ERMARD: variants seen among roughly 807,000 people sequenced by gnomAD.
ERMARD encodes the protein endoplasmic reticulum membrane-associated RNA degradation protein.
Under a neutral mutation model 83.9 loss-of-function variants are expected in ERMARD, and 71 were observed. The ratio of observed to expected loss-of-function variants is 0.85; its 90% CI spans 0.70 to 1.03. The LOEUF is 1.03. ERMARD is among the 50% of genes least tolerant of loss of function. ERMARD has a pLI of 0.00. For missense variants in ERMARD, 838 were observed against 810.9 expected (o/e 1.03, Z -0.41); for synonymous variants, 284 against 298.6 (o/e 0.95, Z 0.50).
At chr6:169,778,640 C>T (rs1028546903) in intron 16 of ERMARD, among the ~76,000 whole-genome samples, 2 of 152,230 alleles carry the variant, frequency 1.3e-5, no homozygotes, top group African/African-American at 4.8e-5. Context: ...TACACTCTTA[C>T]CAGCAGTTTA....
intron 16 of ERMARD, among the ~76,000 whole-genome samples, chr6:169,778,184 G>GC (rs1793813043): frequency 6.6e-6 from 1 of 152,222 alleles, no homozygotes; most frequent in Non-Finnish European, 1.5e-5. Context: ...ACGGGCAGTG[G>GC]CCCTCCTGGG....
intron 11 of ERMARD, 48 bp downstream of exon 11, chr6:169,768,219 T>C: frequency 2.0e-6 from 3 of 1,497,680 alleles, no homozygotes; most frequent in Non-Finnish European, 2.8e-6. Flanking sequence ...TTTATGGATG[T>C]CGTCAGCACT....
Position 169,755,017 on chromosome 6 carries a change from G to C in ERMARD, c.176-266G>C, listed in dbSNP as rs149682794. On this transcript the variant is annotated intron_variant, in intron 2 of 17. Coordinates refer to ENST00000366773, the MANE Select transcript of ERMARD (RefSeq NM_018341.3). ...TTCTGTATTCTTATGTACAGGTAAA[G>C]ACATTGACAAAATAGTTTTCTCTTG... Among the ~76,000 whole-genome samples, 495 of 152,130 alleles carry C rather than the reference G, an allele frequency of 3.3e-3. 10 individuals are homozygous for C. Among genetic ancestry groups the C allele is most frequent in the African/African-American group, 0.012 (483 of 41,504 alleles).
chr6:169,774,018 G>A (rs1459531496), intron 13 of ERMARD, among the ~76,000 whole-genome samples: 1 of 152,204 alleles, frequency 6.6e-6, no homozygotes, highest in Non-Finnish European at 1.5e-5. Flanking sequence ...GGTCAGGAGA[G>A]ATTTGCAAAG....
chr6:169,776,522 C>G lies in ERMARD; in HGVS notation c.1588C>G (p.Leu530Val). Residue 530 changes from leucine to valine, a missense_variant, in exon 16 of 18, where the codon CTG becomes GTG. Physicochemically the swap from Leu to Val is conservative, Grantham distance 32. Coordinates refer to ENST00000366773, the MANE Select transcript of ERMARD (RefSeq NM_018341.3). ...VPTLFCPRIV[L>V]EVLVVLRSIS... Reference sequence around the variant, plus strand: ...CACCCTGTTCTGCCCCAGGATTGTGCTGGAAGTGCTGGTTGTGCTCCGAAG... The same window carrying G: ...CACCCTGTTCTGCCCCAGGATTGTGGTGGAAGTGCTGGTTGTGCTCCGAAG... 1 of 1,614,194 alleles carries G rather than the reference C, an allele frequency of 6.2e-7. No homozygotes were observed.
chr6:169,775,360 T>C lies in ERMARD; in HGVS notation c.1394+14T>C, dbSNP rs1793459851. 6.2e-7 allele frequency: 1 copy of C among 1,613,952 alleles called. No homozygotes were observed. Among genetic ancestry groups the C allele is most frequent in the African/African-American group, 1.3e-5 (1 of 75,066 alleles). On this transcript the variant is annotated intron_variant, in intron 14 of 17. Coordinates refer to ENST00000366773, the MANE Select transcript of ERMARD (RefSeq NM_018341.3). ...GCAAGCCGTCAGGTGCGTGGCATCC[T>C]GGGGCCTGGCTGACCTCAAGCTTGT...
intron 8 of ERMARD, among the ~76,000 whole-genome samples, chr6:169,761,874 G>A (rs1354610709): frequency 6.6e-6 from 1 of 151,942 alleles, no homozygotes; most frequent in Non-Finnish European, 1.5e-5. Flanking sequence ...GTAGAGACGG[G>A]GTTTCGTCAC....
rs1265948428 is a variant in ERMARD, at chr6:169,759,031, C to T, written c.571C>T (p.His191Tyr). The T allele has an allele frequency of 6.2e-7, 1 of 1,614,062 alleles. No homozygotes were observed. Among genetic ancestry groups the T allele is most frequent in the Non-Finnish European group, 8.5e-7 (1 of 1,180,010 alleles). Residue 191 changes from histidine (H) to tyrosine (Y), a missense_variant, in exon 6 of 18, where the codon CAT (histidine) becomes TAT (tyrosine). By Grantham distance (83) the His-to-Tyr change is moderately conservative. Transcript: ENST00000366773. ...TCTCAACCTGCGTAACGTCTTATGGCATGGGTTTGCGTCACCTGAAGAAAT... is the reference window on the plus strand; with the variant it reads ...TCTCAACCTGCGTAACGTCTTATGGTATGGGTTTGCGTCACCTGAAGAAAT... ...CGLNLRNVLW[H>Y]GFASPEEIPP...
chr6:169,751,838 C>T, intron 1 of ERMARD, 175 bp downstream of exon 1: 1 of 974,006 alleles, frequency 1.0e-6, no homozygotes, highest in Non-Finnish European at 1.4e-6. Flanking sequence ...CGGTATCGGA[C>T]GCTCGGCCCT....
chr6:169,755,561 C>G, intron 3 of ERMARD, 139 bp downstream of exon 3: 1 of 1,075,658 alleles, frequency 9.3e-7, no homozygotes, highest in Non-Finnish European at 1.3e-6. Flanking sequence ...TAAGAGAACC[C>G]TGGGCTATTA....
At chr6:169,776,388 G>T in intron 15 of ERMARD, 67 bp from the exon 16 acceptor site, 1 of 1,570,508 alleles carries the variant, frequency 6.4e-7, no homozygotes, top group Non-Finnish European at 8.6e-7. Context: ...AGCCTTGCAG[G>T]TGCAGAAGGA....
chr6:169,774,815 C>T (rs1224227705), intron 13 of ERMARD, among the ~76,000 whole-genome samples: 3 of 151,068 alleles, frequency 2.0e-5, no homozygotes, highest in Non-Finnish European at 4.4e-5. Flanking sequence ...GGAAGTTGGC[C>T]AGGGGCTTCA....
intron 9 of ERMARD, among the ~76,000 whole-genome samples, chr6:169,763,067 A>AC (rs1247486469): frequency 2.0e-5 from 3 of 151,628 alleles, no homozygotes; most frequent in African/African-American, 7.3e-5. Flanking sequence ...TTCCACATTG[A>AC]CCCCCGGTCG....
chr6:169,760,667 A>G lies in ERMARD; in HGVS notation c.768A>G (p.Val256=). 2 of 1,611,938 alleles carry G rather than the reference A, an allele frequency of 1.2e-6. No individual in the cohort carries two copies. Among genetic ancestry groups the G allele is most frequent in the Non-Finnish European group, 1.7e-6 (2 of 1,178,134 alleles). Residue 256 remains valine, a synonymous_variant, in exon 8 of 18, where the codon GTA becomes GTG. Coordinates refer to ENST00000366773, the MANE Select transcript of ERMARD (RefSeq NM_018341.3). ...ATGTTACTTATGAGGTGCTTTCAGT[A>G]TTAGAAGAAGTGATGATGAAATCTG... ...FPDVTYEVLS[V]LEEVMMKSAF...
chr6:169,763,829 G>T (rs964383974), intron 9 of ERMARD, among the ~76,000 whole-genome samples: 7 of 152,266 alleles, frequency 4.6e-5, no homozygotes, highest in African/African-American at 1.7e-4. Context: ...CAAAAGCAGT[G>T]CTGCGAGGGC....
intron 7 of ERMARD, among the ~76,000 whole-genome samples, chr6:169,760,193 T>A (rs1445273936): frequency 7.9e-5 from 12 of 152,174 alleles, no homozygotes. Context: ...TCACAGGAGT[T>A]GCAGCTGTGT....
chr6:169,771,928 G>A (rs1272477554), intron 12 of ERMARD: 1 of 152,150 alleles, frequency 6.6e-6, no homozygotes, highest in African/African-American at 2.4e-5. Flanking sequence ...CCTGAGAATA[G>A]CTTGAACACG....
chr6:169,766,441 C>A (rs527399251), intron 9 of ERMARD, among the ~76,000 whole-genome samples, 197 bp from the exon 10 acceptor site: 1 of 152,192 alleles, frequency 6.6e-6, no homozygotes, highest in Non-Finnish European at 1.5e-5. Context: ...GCCAGCTGCA[C>A]TGTGTTTTTG....
chr6:169,776,184 T>G, intron 15 of ERMARD, 119 bp downstream of exon 15: 1 of 1,535,120 alleles, frequency 6.5e-7, no homozygotes, highest in Non-Finnish European at 8.9e-7. Flanking sequence ...AGAATCCCAC[T>G]GTTACTGCTC....
Sources: gnomAD v4.1 joint callset for allele counts (sites outside exome capture counted in the v4.1 genomes callset) on GRCh38, gnomAD v4.1.1 for gene constraint, MANE v1.5 for transcripts, NCBI Gene and HGNC (gene_info 2026-07-23, HGNC 2026-07-21) for gene names.